Variants in BRWD3 observed in about 807,000 individuals in gnomAD.
BRWD3 encodes the protein bromodomain and WD repeat-containing protein 3.
BRWD3 carries 10 observed loss-of-function variants against 149.7 expected under a neutral mutation model. That is an observed-to-expected ratio of 0.07 (90% CI 0.04 to 0.11). The LOEUF is 0.11. Ranked by LOEUF, BRWD3 falls within the 10% of genes least tolerant of loss-of-function variation. The probability of loss-of-function intolerance (pLI) is 1.00; values close to 1 mark genes in which losing one functional copy is unlikely to be tolerated. For missense variants in BRWD3, 940 were observed against 1,373.2 expected (o/e 0.68, Z 4.99); for synonymous variants, 504 against 456.7 (o/e 1.10, Z -1.32).
At chrX:80,738,550 C>A (rs1022566420) in intron 8 of BRWD3, among the ~76,000 whole-genome samples, 7 of 108,615 alleles carry the variant, frequency 6.4e-5, no homozygotes, top group African/African-American at 3.4e-5. Flanking sequence ...GTAAAGAATA[C>A]CAAAAGATGA....
chrX:80,741,284 C>G lies in BRWD3; in HGVS notation c.813+2748G>C, dbSNP rs770703111. On this transcript the variant is annotated intron_variant, in intron 8 of 40. Transcript: ENST00000373275. Reference sequence around the variant, plus strand: ...ATAGTATTCCATGGTGTATATGTGCCACATTTTCTTAATCCAGTCTATCAT... The same window carrying G: ...ATAGTATTCCATGGTGTATATGTGCGACATTTTCTTAATCCAGTCTATCAT... Among the ~76,000 whole-genome samples the G allele has an allele frequency of 4.6e-4, 52 of 111,994 alleles. 1 individual carries two copies. In the South Asian group the frequency reaches 0.019, roughly 40 times the overall value.
In BRWD3 at chrX:80,689,866, AAAAGCTTCAGT is replaced by A; in HGVS notation, c.3729-31_3729-21del. The A allele has an allele frequency of 8.5e-7, 1 of 1,178,738 alleles. No individual in the cohort carries two copies. Among genetic ancestry groups the A allele is most frequent in the East Asian group, 3.0e-5 (1 of 33,378 alleles). On this transcript the variant is annotated intron_variant, in intron 32 of 40. Coordinates refer to ENST00000373275, the MANE Select transcript of BRWD3 (RefSeq NM_153252.5). The stretch of plus-strand genomic sequence containing the variant: ...TGATCCCTAAGAAACAAGTCATTTC[AAAAGCTTCAGT>A]AATTTTTACAATTTTTCAATTAATT...
chrX:80,780,900 A>G (rs2074049616), intron 6 of BRWD3, among the ~76,000 whole-genome samples: 1 of 112,377 alleles, frequency 8.9e-6, no homozygotes, highest in South Asian at 3.7e-4. Flanking sequence ...CTTTCTTTCC[A>G]TTTACATTTA....
At chrX:80,693,108 A>T in intron 27 of BRWD3, 57 bp from the exon 28 acceptor site, 3 of 886,783 alleles carry the variant, frequency 3.4e-6, no homozygotes, top group African/African-American at 1.9e-5. Flanking sequence ...CTCTGTTCCC[A>T]CTCTAAATTA....
intron 3 of BRWD3, 58 bp from the exon 4 acceptor site, chrX:80,808,656 C>A (rs2074375049): frequency 9.3e-7 from 1 of 1,070,307 alleles, no homozygotes. Context: ...GGAAAAGCCT[C>A]CGCTCCCCAT....
intron 6 of BRWD3, among the ~76,000 whole-genome samples, chrX:80,763,640 G>A (rs751032359): frequency 8.1e-5 from 9 of 111,711 alleles, no homozygotes; most frequent in Middle Eastern, 4.6e-3. Flanking sequence ...TTACGATCAC[G>A]CCAAAGAAAA....
chrX:80,781,031 C>G (rs2074051276), intron 6 of BRWD3, among the ~76,000 whole-genome samples: 1 of 112,214 alleles, frequency 8.9e-6, no homozygotes, highest in Non-Finnish European at 1.9e-5. Flanking sequence ...CTTAGAGCAA[C>G]ACGTAAATAT....
At chrX:80,789,023 TA>T (rs1434169305) in intron 6 of BRWD3, among the ~76,000 whole-genome samples, 1 of 112,022 alleles carries the variant, frequency 8.9e-6, no homozygotes, top group East Asian at 2.8e-4. Flanking sequence ...TGTCAAAACT[TA>T]TTGAACTGCA....
intron 6 of BRWD3, among the ~76,000 whole-genome samples, chrX:80,767,011 A>G (rs972746397): frequency 2.7e-5 from 3 of 112,614 alleles, no homozygotes; most frequent in Non-Finnish European, 5.6e-5. Flanking sequence ...GCTTACTGGT[A>G]GCTCAGCAGT....
chrX:80,726,661 TA>T (rs1486648442), intron 14 of BRWD3, among the ~76,000 whole-genome samples: 1 of 109,810 alleles, frequency 9.1e-6, no homozygotes, highest in African/African-American at 3.3e-5. Flanking sequence ...ATCATGCTAT[TA>T]AAAAAAATAG....
At chrX:80,748,830 T>C (rs1233366605) in intron 6 of BRWD3, among the ~76,000 whole-genome samples, 2 of 111,599 alleles carry the variant, frequency 1.8e-5, no homozygotes, top group Admixed American at 9.6e-5. Flanking sequence ...ATGTTAATAT[T>C]TTCTCTTTTT....
Position 80,674,886 on chromosome X carries a change from C to T in BRWD3, c.*1723G>A, listed in dbSNP as rs1315738227. The T allele has an allele frequency of 8.9e-6, 1 of 111,902 alleles. No homozygotes were observed. Among genetic ancestry groups the T allele is most frequent in the Admixed American group, 9.5e-5 (1 of 10,523 alleles). 9.2% of individuals were successfully genotyped at this position (111,902 alleles called of 1,213,427 possible). On this transcript the variant is annotated 3_prime_UTR_variant, in exon 41 of 41. Coordinates refer to ENST00000373275, the MANE Select transcript of BRWD3 (RefSeq NM_153252.5). The stretch of plus-strand genomic sequence containing the variant: ...AAGTTTTATGTGTGTACGCCTTCCT[C>T]TGCACTTAAGGGTTTTCAGATGCAT...
chrX:80,696,669 T>C (rs1216131117), intron 26 of BRWD3, 70 bp downstream of exon 26: 44 of 1,131,798 alleles, frequency 3.9e-5, no homozygotes, highest in Non-Finnish European at 5.2e-5. Flanking sequence ...CATTGAGCAC[T>C]GTACTCTAAA....
At chrX:80,728,380 T>TC (rs2073279205) in intron 14 of BRWD3, among the ~76,000 whole-genome samples, 1 of 111,130 alleles carries the variant, frequency 9.0e-6, no homozygotes, top group Non-Finnish European at 1.9e-5. Flanking sequence ...TTACCCCTAT[T>TC]CCTTGAAAAA....
In BRWD3 at chrX:80,728,893, T is replaced by C. The variant is rs1452721030; in HGVS notation, c.1245A>G (p.Pro415=). ...MATKMTGNNL[P]SGEDKITKLK... is the part of the protein sequence containing the mutation. ...GTTTAGTGATCTTGTCTTCTCCAGA[T>C]GGCAAATTATTGCTAAACAAAACAA... Residue 415 remains proline, a synonymous_variant, in exon 14 of 41, where the codon CCA becomes CCG. Transcript: ENST00000373275. 5.8e-6 allele frequency: 7 copies of C among 1,209,365 alleles called. No homozygotes were observed. Among genetic ancestry groups the C allele is most frequent in the Non-Finnish European group, 7.8e-6 (7 of 893,531 alleles).
At position 80,734,464 on chromosome X, in the gene BRWD3, T is replaced by A. The variant is rs1345013275; in HGVS notation, c.986-246A>T. ...ATGATCATAAACATTAAAGAACACA[T>A]CCTGAGGAATGCATTTCTTTATTTA... On this transcript the variant is annotated intron_variant, in intron 10 of 40. Coordinates refer to ENST00000373275, the MANE Select transcript of BRWD3 (RefSeq NM_153252.5). Among the ~76,000 whole-genome samples the A allele has an allele frequency of 2.7e-5, 3 of 111,325 alleles. No individual in the cohort carries two copies. The Admixed American group carries it at 2.9e-4, about 11-fold the overall frequency.
intron 6 of BRWD3, among the ~76,000 whole-genome samples, chrX:80,788,753 T>C (rs2074143119): frequency 8.9e-6 from 1 of 112,081 alleles, no homozygotes; most frequent in Non-Finnish European, 1.9e-5. Flanking sequence ...AATGGAATGC[T>C]ACTTGGTAAT....
At chrX:80,746,436 A>G (rs2073595046) in intron 6 of BRWD3, among the ~76,000 whole-genome samples, 1 of 110,540 alleles carries the variant, frequency 9.0e-6, no homozygotes, top group Non-Finnish European at 1.9e-5. Flanking sequence ...TTTCTTAAAA[A>G]AAAAGCCATA....
intron 7 of BRWD3, among the ~76,000 whole-genome samples, chrX:80,745,296 C>T (rs1281744119): frequency 1.8e-5 from 2 of 111,439 alleles, no homozygotes; most frequent in Admixed American, 9.6e-5. Context: ...AAATTGAGTA[C>T]ACTTGTTTCA....
Sources: allele counts gnomAD v4.1 joint callset (sites outside exome capture counted in the v4.1 genomes callset), GRCh38; gene constraint gnomAD v4.1.1; transcripts MANE v1.5; gene names NCBI Gene and HGNC (gene_info 2026-07-23, HGNC 2026-07-21).